PLCB1: variants seen among roughly 807,000 people sequenced by gnomAD.
PLCB1 encodes the protein 1-phosphatidylinositol 4,5-bisphosphate phosphodiesterase beta-1.
PLCB1 carries 46 observed loss-of-function variants against 161.8 expected under a neutral mutation model. That is an observed-to-expected ratio of 0.28 (90% CI 0.22 to 0.36). The LOEUF is 0.36. Among genes scored for constraint, PLCB1 ranks in the 10% least tolerant of loss-of-function variants. The pLI is 1.00. For missense variants in PLCB1, 1,016 were observed against 1,472.5 expected (o/e 0.69, Z 5.07); for synonymous variants, 517 against 503.7 (o/e 1.03, Z -0.35).
chr20:8,794,198 G>A (rs1370141304), intron 31 of PLCB1, among the ~76,000 whole-genome samples: 1 of 152,092 alleles, frequency 6.6e-6, no homozygotes, highest in East Asian at 1.9e-4. Flanking sequence ...TGGTCCTGAG[G>A]TGACATACAT....
intron 2 of PLCB1, among the ~76,000 whole-genome samples, chr20:8,256,289 A>G (rs530861716): frequency 8.9e-4 from 135 of 152,148 alleles, no homozygotes; most frequent in Non-Finnish European, 1.7e-3. Context: ...AAGCTGGCCT[A>G]TCCTGGGTGG....
At chr20:8,435,603 C>T (rs1388145600) in intron 3 of PLCB1, among the ~76,000 whole-genome samples, 2 of 152,016 alleles carry the variant, frequency 1.3e-5, no homozygotes, top group African/African-American at 4.8e-5. Context: ...TATCCAAGGC[C>T]CCAACAAAAA....
chr20:8,542,702 G>T (rs780287649), intron 3 of PLCB1, among the ~76,000 whole-genome samples: 1 of 152,140 alleles, frequency 6.6e-6, no homozygotes, highest in Non-Finnish European at 1.5e-5. Flanking sequence ...GGGAATTATT[G>T]TTTCTCACAC....
At chr20:8,869,968 A>G (rs1389082520) in intron 31 of PLCB1, among the ~76,000 whole-genome samples, 1 of 152,246 alleles carries the variant, frequency 6.6e-6, no homozygotes, top group South Asian at 2.1e-4. Context: ...GACATGCCAT[A>G]GGAATAGGAG....
intron 2 of PLCB1, among the ~76,000 whole-genome samples, chr20:8,190,544 A>T (rs1854255341): frequency 6.6e-6 from 1 of 152,038 alleles, no homozygotes; most frequent in Admixed American, 6.6e-5. Context: ...ATTGCAGACA[A>T]TTATCTTGAT....
chr20:8,713,435 G>A (rs781198408), intron 12 of PLCB1, among the ~76,000 whole-genome samples: 3 of 152,062 alleles, frequency 2.0e-5, no homozygotes, highest in Non-Finnish European at 4.4e-5. Flanking sequence ...TGCCTGCCTC[G>A]GCATCCCAAA....
chr20:8,786,708 G>T (rs1475944945), intron 27 of PLCB1, among the ~76,000 whole-genome samples: 1 of 142,922 alleles, frequency 7.0e-6, no homozygotes, highest in Non-Finnish European at 1.5e-5. Context: ...TTTTTTTTGA[G>T]ACAGAGTTTT....
At chr20:8,387,219 G>A (rs182892100) in intron 3 of PLCB1, among the ~76,000 whole-genome samples, 264 of 152,234 alleles carry the variant, frequency 1.7e-3, no homozygotes, top group African/African-American at 6.0e-3. Flanking sequence ...CTTTTGACAC[G>A]CCTTCCTCAC....
intron 3 of PLCB1, among the ~76,000 whole-genome samples, chr20:8,509,696 G>A (rs1196410511): frequency 1.3e-5 from 2 of 151,910 alleles, no homozygotes; most frequent in African/African-American, 4.8e-5. Context: ...TAACAGGTAG[G>A]TAGACAGATG....
chr20:8,849,831 G>A (rs964617440), intron 31 of PLCB1, among the ~76,000 whole-genome samples: 1 of 152,028 alleles, frequency 6.6e-6, no homozygotes, highest in African/African-American at 2.4e-5. Flanking sequence ...TGGCCAACAT[G>A]GTGAAACCTC....
At chr20:8,670,027 A>G (rs1989905976) in intron 9 of PLCB1, among the ~76,000 whole-genome samples, 1 of 152,164 alleles carries the variant, frequency 6.6e-6, no homozygotes. Flanking sequence ...GCACTGTGAC[A>G]GTGTACTCAT....
chr20:8,718,358 A>C (rs1050980818), intron 14 of PLCB1, among the ~76,000 whole-genome samples: 3 of 152,184 alleles, frequency 2.0e-5, no homozygotes, highest in Non-Finnish European at 4.4e-5. Context: ...ATTATCCTCT[A>C]GTCCTGTAAG....
intron 2 of PLCB1, among the ~76,000 whole-genome samples, chr20:8,346,403 A>T (rs1181362954): frequency 2.0e-5 from 3 of 152,222 alleles, no homozygotes; most frequent in African/African-American, 7.2e-5. Context: ...CTTGTTCTTG[A>T]TCAGTCATGA....
intron 3 of PLCB1, among the ~76,000 whole-genome samples, chr20:8,509,775 T>TA (rs1555812831): frequency 7.1e-4 from 96 of 135,114 alleles, no homozygotes; most frequent in African/African-American, 2.6e-3. Flanking sequence ...GATAGATAGA[T>TA]AGATAGATAG....
At chr20:8,871,162 T>A (rs1000436638) in intron 31 of PLCB1, among the ~76,000 whole-genome samples, 1 of 152,236 alleles carries the variant, frequency 6.6e-6, no homozygotes, top group African/African-American at 2.4e-5. Context: ...TCTATTGTAA[T>A]CTATGGCTAA....
chr20:8,813,696 T>A (rs1017610421), intron 31 of PLCB1, among the ~76,000 whole-genome samples: 1 of 152,138 alleles, frequency 6.6e-6, no homozygotes, highest in Non-Finnish European at 1.5e-5. Context: ...CTGGGCATGG[T>A]AACACATGCC....
rs1555785171 is a variant in PLCB1, at chr20:8,132,588, C to CCCGCGCCCCGCGCA, written c.-58_-57insCCCGCGCACCGCGC. On this transcript the variant is annotated 5_prime_UTR_variant, in exon 1 of 32. The change creates a premature stop within an existing upstream ORF in the 5' untranslated region. Coordinates refer to ENST00000338037, the MANE Select transcript of PLCB1 (RefSeq NM_015192.4). The surrounding 1 kb of genome is among the most constrained non-coding windows in gnomAD (Gnocchi z 5.2). ...GGAGCCCGCGCCCCGCGCCCCGCGC[C>CCCGCGCCCCGCGCA]CCGCGCACGGTCCCCAGTCCCTGCC... 9.2e-7 allele frequency: 1 copy of CCCGCGCCCCGCGCA among 1,086,186 alleles called. No individual in the cohort carries two copies. The highest frequency in any genetic ancestry group is 3.2e-5 in the East Asian group (1 of 31,504). The allele number at this position is 1,086,186 out of a possible 1,614,324, so 67.3% of individuals were successfully genotyped here.
intron 3 of PLCB1, among the ~76,000 whole-genome samples, chr20:8,453,781 A>G (rs150916543): frequency 6.6e-6 from 1 of 152,316 alleles, no homozygotes; most frequent in Non-Finnish European, 1.5e-5. Flanking sequence ...AGAGTATTTC[A>G]GGCAGATGGA....
At chr20:8,621,606 ATATTTT>A (rs1018916374) in intron 3 of PLCB1, among the ~76,000 whole-genome samples, 1 of 152,198 alleles carries the variant, frequency 6.6e-6, no homozygotes, top group Admixed American at 6.5e-5. Flanking sequence ...GCATTATTTT[ATATTTT>A]TAACAAACTG....
Sources: gnomAD v4.1 joint callset for allele counts (sites outside exome capture counted in the v4.1 genomes callset) on GRCh38, gnomAD v4.1.1 for gene constraint, Gnocchi (gnomAD v3.1) non-coding constraint, MANE v1.5 for transcripts, NCBI Gene and HGNC (gene_info 2026-07-23, HGNC 2026-07-21) for gene names.